Variants in NUDT3 observed in about 807,000 individuals in gnomAD.
NUDT3 encodes the protein nudix hydrolase 3.
NUDT3 carries 9 observed loss-of-function variants against 23.6 expected under a neutral mutation model. The observed-to-expected ratio is 0.38, with a 90% confidence interval of 0.23 to 0.66. The LOEUF (loss-of-function observed/expected upper bound fraction) is 0.66. Ranked by LOEUF, NUDT3 falls within the 30% of genes least tolerant of loss-of-function variation. The pLI, the probability that NUDT3 is intolerant of heterozygous loss-of-function variation, is 0.52. For missense variants in NUDT3, 172 were observed against 218.5 expected (o/e 0.79, Z 1.34); for synonymous variants, 86 against 82.6 (o/e 1.04, Z -0.22).
chr6:34,373,702 TG>T (rs1301120384), intron 1 of NUDT3, among the ~76,000 whole-genome samples: 10 of 152,244 alleles, frequency 6.6e-5, no homozygotes, highest in African/African-American at 2.4e-4. Flanking sequence ...ACACACGCAC[TG>T]GTGCTGGGAT....
intron 1 of NUDT3, among the ~76,000 whole-genome samples, chr6:34,375,126 C>T (rs1396805684): frequency 3.3e-5 from 5 of 152,232 alleles, no homozygotes; most frequent in South Asian, 2.1e-4. Flanking sequence ...GCGGATCACC[C>T]GAGGTCAGGA....
At chr6:34,342,857 T>C (rs180746899) in intron 1 of NUDT3, among the ~76,000 whole-genome samples, 6 of 152,306 alleles carry the variant, frequency 3.9e-5, no homozygotes, top group Non-Finnish European at 7.4e-5. Context: ...GCTACTTCCT[T>C]CTCTGGCCCT....
chr6:34,372,559 C>CT (rs1764848183), intron 1 of NUDT3, among the ~76,000 whole-genome samples: 1 of 151,994 alleles, frequency 6.6e-6, no homozygotes, highest in South Asian at 2.1e-4. Flanking sequence ...AATCCCAGCA[C>CT]TTTGAGAGGC....
At position 34,296,602 on chromosome 6, in the gene NUDT3, T is replaced by C. The variant is rs148372052; in HGVS notation, c.211-917A>G. On this transcript the variant is annotated intron_variant, in intron 2 of 4. Coordinates refer to ENST00000607016, the MANE Select transcript of NUDT3 (RefSeq NM_006703.4). ...ATACATACATACATACATACACGCA[T>C]ACATACATACATAGATTACTTCATT... 9.7e-4 allele frequency among the ~76,000 whole-genome samples: 147 copies of C among 152,192 alleles called. 1 individual carries two copies. The East Asian group carries it at 0.011, about 12-fold the overall frequency.
intron 2 of NUDT3, among the ~76,000 whole-genome samples, chr6:34,331,262 T>G (rs1764123668): frequency 6.6e-6 from 1 of 151,936 alleles, no homozygotes; most frequent in Non-Finnish European, 1.5e-5. Flanking sequence ...TTATTCTACA[T>G]TAAGGTATTT....
In NUDT3 at chr6:34,317,565, C is replaced by G. The variant is rs115399589; in HGVS notation, c.211-21880G>C. ...GTATTCAAGCTTTTCTCCCACCCCC[C>G]CAACAGTATTTTGCTCTCAGCCTTT... On this transcript the variant is annotated intron_variant, in intron 2 of 4. Transcript: ENST00000607016. 7.5e-3 allele frequency among the ~76,000 whole-genome samples: 1,142 copies of G among 152,256 alleles called. 13 individuals are homozygous for G. The highest frequency in any genetic ancestry group is 0.024 in the Middle Eastern group (7 of 294).
In NUDT3 at chr6:34,289,731, T is replaced by G. The variant is rs372394365; in HGVS notation, c.341-800A>C. Among the ~76,000 whole-genome samples, 9 of 152,346 alleles carry G rather than the reference T, an allele frequency of 5.9e-5. No individual in the cohort carries two copies. The South Asian group carries it at 1.7e-3, about 28-fold the overall frequency. ...TAATCTCAATACAATCACACTTTTA[T>G]TTTTCAGTCTATTTTCTTACTCTTT... On this transcript the variant is annotated intron_variant, in intron 4 of 4. Coordinates refer to ENST00000607016, the MANE Select transcript of NUDT3 (RefSeq NM_006703.4).
intron 1 of NUDT3, among the ~76,000 whole-genome samples, chr6:34,354,684 C>T (rs1054197716): frequency 3.4e-5 from 5 of 146,180 alleles, no homozygotes; most frequent in African/African-American, 1.3e-4. Context: ...GATGGCACCA[C>T]TGCACTCCAG....
At chr6:34,291,783 G>A (rs1429003231) in intron 4 of NUDT3, among the ~76,000 whole-genome samples, 1 of 152,134 alleles carries the variant, frequency 6.6e-6, no homozygotes, top group Admixed American at 6.6e-5. Context: ...GATTACAGGC[G>A]TGAGCCACTG....
intron 1 of NUDT3, among the ~76,000 whole-genome samples, chr6:34,384,889 C>A (rs886134769): frequency 1.3e-5 from 2 of 151,782 alleles, no homozygotes; most frequent in Admixed American, 1.3e-4. Context: ...AATAGCTGGG[C>A]AAGGTGGCAG....
At chr6:34,304,289 G>A (rs1010407009) in intron 2 of NUDT3, among the ~76,000 whole-genome samples, 8 of 151,294 alleles carry the variant, frequency 5.3e-5, no homozygotes, top group African/African-American at 1.9e-4. Context: ...TGCTATCGCT[G>A]GGCATGGTGG....
intron 1 of NUDT3, among the ~76,000 whole-genome samples, chr6:34,363,853 A>G (rs1452352435): frequency 1.3e-5 from 2 of 151,000 alleles, no homozygotes; most frequent in Non-Finnish European, 3.0e-5. Context: ...GCTCACTGCA[A>G]CCTCCTCCTC....
Position 34,392,433 on chromosome 6 carries a change from C to CGCGT in NUDT3, c.-75_-72dup. ...GGGTGGGGAGCCCGCTCTGGACGGC[C>CGCGT]GCGTGCGCGCGCGCCCCCGGCTCGG... is the stretch of plus-strand genomic sequence containing the variant. On this transcript the variant is annotated 5_prime_UTR_variant, in exon 1 of 5. Transcript: ENST00000607016. The CGCGT allele has an allele frequency of 8.9e-7, 1 of 1,126,584 alleles. No homozygotes were observed. Among genetic ancestry groups the CGCGT allele is most frequent in the South Asian group, 1.3e-5 (1 of 74,440 alleles). 69.8% of individuals were successfully genotyped at this position (1,126,584 alleles called of 1,614,324 possible).
Position 34,287,612 on chromosome 6 carries a change from C to T in NUDT3, c.*1141G>A, listed in dbSNP as rs1314450574. 1.3e-5 allele frequency: 2 copies of T among 152,222 alleles called. No individual in the cohort carries two copies. The highest frequency in any genetic ancestry group is 1.9e-4 in the East Asian group (1 of 5,186). The allele number at this position is 152,222 out of a possible 1,614,324, so 9.4% of individuals were successfully genotyped here. On this transcript the variant is annotated 3_prime_UTR_variant, in exon 5 of 5. Transcript: ENST00000607016. ...CAAGCAGGTGAATTTCCCTAGTGTA[C>T]TTTTCAGGAACACGGTTACTCAGTT...
intron 1 of NUDT3, among the ~76,000 whole-genome samples, chr6:34,381,469 C>T (rs1199645740): frequency 6.6e-6 from 1 of 151,696 alleles, no homozygotes; most frequent in Non-Finnish European, 1.5e-5. Flanking sequence ...ATGACCCATA[C>T]ACCCTGGCAG....
intron 2 of NUDT3, among the ~76,000 whole-genome samples, chr6:34,306,708 TA>T (rs1429079359): frequency 6.6e-6 from 1 of 152,254 alleles, no homozygotes; most frequent in Non-Finnish European, 1.5e-5. Flanking sequence ...GGGCATATTC[TA>T]ATCTGTACAC....
intron 1 of NUDT3, among the ~76,000 whole-genome samples, chr6:34,384,363 C>T (rs1765070819): frequency 6.6e-6 from 1 of 152,216 alleles, no homozygotes; most frequent in African/African-American, 2.4e-5. Flanking sequence ...CTTTAAGGCA[C>T]AGGGAAATCT....
At chr6:34,374,509 G>C (rs1455273250) in intron 1 of NUDT3, among the ~76,000 whole-genome samples, 1 of 151,864 alleles carries the variant, frequency 6.6e-6, no homozygotes, top group Non-Finnish European at 1.5e-5. Flanking sequence ...GTCTGTCTTT[G>C]TGACGCTGTT....
chr6:34,369,345 CTT>C (rs756647942), intron 1 of NUDT3, among the ~76,000 whole-genome samples: 18 of 152,228 alleles, frequency 1.2e-4, no homozygotes, highest in African/African-American at 2.7e-4. Flanking sequence ...TGAAATCTCT[CTT>C]CTTTCATCAT....
Sources: gnomAD v4.1 joint callset for allele counts (sites outside exome capture counted in the v4.1 genomes callset) on GRCh38, gnomAD v4.1.1 for gene constraint, MANE v1.5 for transcripts, NCBI Gene and HGNC (gene_info 2026-07-23, HGNC 2026-07-21) for gene names.